ETFA: variants seen among roughly 807,000 people sequenced by gnomAD.
The protein encoded by ETFA is electron transfer flavoprotein subunit alpha, mitochondrial.
A neutral mutation model predicts 46.2 loss-of-function variants in ETFA; 22 were observed. The observed-to-expected ratio is 0.48, with a 90% CI of 0.34 to 0.68. ETFA has a LOEUF of 0.68. ETFA is among the 30% of genes least tolerant of loss of function. The pLI is 0.01. For synonymous variants in ETFA, 131 were observed against 139.9 expected, an observed-to-expected ratio of 0.94 and a Z score of 0.45; for missense variants, 345 against 401.1, an observed-to-expected ratio of 0.86 and a Z score of 1.19.
At chr15:76,277,773 G>A (rs1037371335) in intron 8 of ETFA, among the ~76,000 whole-genome samples, 4 of 152,180 alleles carry the variant, frequency 2.6e-5, no homozygotes, top group African/African-American at 9.7e-5. Context: ...AAAGTGCTGG[G>A]ATTACAGGCA....
rs568177851 is a variant in ETFA at position 76,251,987 on chromosome 15, C to G, written c.817-20589G>C. ...GGACTCAAGGGATATATCTCTCTCT[C>G]TGATCTTGATACCAGGCCAAATGAT... On this transcript the variant is annotated intron_variant, in intron 9 of 11. Transcript: ENST00000557943. Among the ~76,000 whole-genome samples the G allele has an allele frequency of 5.6e-4, 85 of 152,240 alleles. 4 individuals are homozygous for G. In the South Asian group the frequency reaches 0.017, roughly 31 times the overall value.
At chr15:76,265,090 C>T (rs1053498040) in intron 9 of ETFA, among the ~76,000 whole-genome samples, 1 of 151,142 alleles carries the variant, frequency 6.6e-6, no homozygotes, top group Non-Finnish European at 1.5e-5. Flanking sequence ...CCACAGCAGA[C>T]AGTGCTGCCA....
At chr15:76,278,059 A>G (rs1427470726) in intron 8 of ETFA, among the ~76,000 whole-genome samples, 1 of 152,202 alleles carries the variant, frequency 6.6e-6, no homozygotes, top group African/African-American at 2.4e-5. Context: ...AGGACAGAAT[A>G]GTGACTTCCA....
chr15:76,271,936 CA>C (rs2039537937), intron 9 of ETFA, among the ~76,000 whole-genome samples: 8 of 151,784 alleles, frequency 5.3e-5, no homozygotes, highest in South Asian at 2.1e-4. Flanking sequence ...CACACACACA[CA>C]CACCCTGAGT....
chr15:76,296,826 A>G (rs1212465791), intron 1 of ETFA, among the ~76,000 whole-genome samples: 1 of 152,252 alleles, frequency 6.6e-6, no homozygotes, highest in Non-Finnish European at 1.5e-5. Context: ...AGACTTGTTC[A>G]TATACAATTA....
Position 76,216,595 on chromosome 15 carries a change from T to C in ETFA, c.966A>G (p.Val322=). 6.3e-7 allele frequency: 1 copy of C among 1,585,746 alleles called. No individual in the cohort carries two copies. The highest frequency in any genetic ancestry group is 8.7e-7 in the Non-Finnish European group (1 of 1,154,218). ...DYGIVADLFK[V]VPEMTEILKK... is the part of the protein sequence containing the mutation. ...TCAATATCTCAGTCATTTCAGGAAC[T>C]ACCTGCAAATAAAAACAAAAAGTAA... Residue 322 remains valine (V), a splice_region_variant and synonymous_variant, in exon 12 of 12, where the codon GTA becomes GTG. Coordinates refer to ENST00000557943, the MANE Select transcript of ETFA (RefSeq NM_000126.4).
chr15:76,250,552 C>CT (rs900781079), intron 9 of ETFA, among the ~76,000 whole-genome samples: 2 of 151,564 alleles, frequency 1.3e-5, no homozygotes, highest in African/African-American at 4.8e-5. Flanking sequence ...TACTTTTTTC[C>CT]TTTTTTTTCT....
intron 5 of ETFA, among the ~76,000 whole-genome samples, chr15:76,286,772 A>G (rs1375679062): frequency 2.0e-5 from 3 of 152,234 alleles, no homozygotes; most frequent in African/African-American, 7.2e-5. Context: ...TCTAAAAGGA[A>G]TATGAACAAA....
intron 9 of ETFA, among the ~76,000 whole-genome samples, chr15:76,232,108 A>G (rs1596191625): frequency 6.6e-6 from 1 of 152,144 alleles, no homozygotes; most frequent in South Asian, 2.1e-4. Flanking sequence ...CCTCCATACC[A>G]CAGTTTTTTG....
chr15:76,301,731 A>G (rs960237055), intron 1 of ETFA, among the ~76,000 whole-genome samples: 1 of 144,080 alleles, frequency 6.9e-6, no homozygotes, highest in African/African-American at 2.6e-5. Context: ...AAAACAAAAC[A>G]AACACCTCTT....
At chr15:76,258,034 G>T (rs939120962) in intron 9 of ETFA, among the ~76,000 whole-genome samples, 8 of 121,802 alleles carry the variant, frequency 6.6e-5, no homozygotes, top group African/African-American at 2.2e-4. Flanking sequence ...TGGGGGGAGG[G>T]GGGGAGGGTT....
rs569356431 is a variant in ETFA, at chr15:76,261,010, C to G, written c.816+13402G>C. 3 of 1,609,534 alleles carry G rather than the reference C, an allele frequency of 1.9e-6. No homozygotes were observed. In the African/African-American group the frequency reaches 4.0e-5, roughly 22 times the overall value. ...GTGTTGCCGCTGGAAAGCTTTGTCA[C>G]GGTGATGTTGAAGGGGACTGCAGGC... On this transcript the variant is annotated intron_variant, in intron 9 of 11. Coordinates refer to ENST00000557943, the MANE Select transcript of ETFA (RefSeq NM_000126.4).
intron 4 of ETFA, among the ~76,000 whole-genome samples, chr15:76,288,659 C>A (rs1264609953): frequency 6.7e-6 from 1 of 149,858 alleles, no homozygotes; most frequent in African/African-American, 2.5e-5. Flanking sequence ...TTGCAGTGAG[C>A]TGAGATAGTA....
chr15:76,256,667 G>T (rs1417373576), intron 9 of ETFA, among the ~76,000 whole-genome samples: 3 of 152,140 alleles, frequency 2.0e-5, no homozygotes, highest in African/African-American at 7.2e-5. Context: ...CTAACAAGAT[G>T]AACAAGATGA....
At chr15:76,282,181 G>C (rs2039661512) in intron 8 of ETFA, among the ~76,000 whole-genome samples, 1 of 152,126 alleles carries the variant, frequency 6.6e-6, no homozygotes, top group Admixed American at 6.6e-5. Flanking sequence ...TGGCATTACA[G>C]GTATGAGCCA....
intron 1 of ETFA, among the ~76,000 whole-genome samples, chr15:76,308,461 G>C (rs926153173): frequency 2.0e-4 from 31 of 152,106 alleles, no homozygotes; most frequent in African/African-American, 7.5e-4. Flanking sequence ...TATGATGCAC[G>C]GGGAACACAA....
chr15:76,290,102 T>C (rs747012560), intron 4 of ETFA, among the ~76,000 whole-genome samples: 3 of 152,304 alleles, frequency 2.0e-5, no homozygotes, highest in East Asian at 1.9e-4. Flanking sequence ...AATTAAGTAA[T>C]AGGTATCAAA....
chr15:76,268,195 A>G (rs1278660783), intron 9 of ETFA, among the ~76,000 whole-genome samples: 1 of 151,858 alleles, frequency 6.6e-6, no homozygotes, highest in Non-Finnish European at 1.5e-5. Context: ...ACAGCAAAAA[A>G]AAAAAAAAAA....
At chr15:76,288,563 G>T (rs557813091) in intron 4 of ETFA, among the ~76,000 whole-genome samples, 3 of 151,840 alleles carry the variant, frequency 2.0e-5, no homozygotes, top group African/African-American at 7.3e-5. Context: ...AAAATTAGCC[G>T]GGGATGGTGG....
Sources: allele counts gnomAD v4.1 joint callset (sites outside exome capture counted in the v4.1 genomes callset), GRCh38; gene constraint gnomAD v4.1.1; transcripts MANE v1.5; gene names NCBI Gene and HGNC (gene_info 2026-07-23, HGNC 2026-07-21).